CHD2: variants seen among roughly 807,000 people sequenced by gnomAD.
CHD2 encodes chromodomain helicase DNA binding protein 2.
A neutral mutation model predicts 243.9 loss-of-function variants in CHD2; 28 were observed. The observed-to-expected ratio is 0.11, with a 90% CI of 0.09 to 0.16. The LOEUF (loss-of-function observed/expected upper bound fraction) is 0.16, where lower values mean the gene tolerates loss of function less well. CHD2 is among the 10% of genes least tolerant of loss of function. CHD2 has a pLI of 1.00. For missense variants in CHD2, 1,386 were observed against 2,209.8 expected, an observed-to-expected ratio of 0.63 and a Z score of 7.47; for synonymous variants, 775 against 779.0, an observed-to-expected ratio of 0.99 and a Z score of 0.09.
At chr15:92,901,597 T>C in intron 2 of CHD2, 1 of 440,342 alleles carries the variant, frequency 2.3e-6, no homozygotes, top group Non-Finnish European at 4.0e-6. Flanking sequence ...TAAATTTCAG[T>C]TTTTAGGTTT....
At chr15:92,969,513 GCCT>G (rs2053812414) in intron 17 of CHD2, among the ~76,000 whole-genome samples, 2 of 152,198 alleles carry the variant, frequency 1.3e-5, no homozygotes, top group South Asian at 4.1e-4. Context: ...CAGAAGACTG[GCCT>G]CTTTCTGATG....
At chr15:92,925,854 C>G (rs900329274) in intron 3 of CHD2, among the ~76,000 whole-genome samples, 1 of 152,144 alleles carries the variant, frequency 6.6e-6, no homozygotes, top group African/African-American at 2.4e-5. Flanking sequence ...AATGCCTATT[C>G]TGGGCCATCT....
At position 92,997,191 on chromosome 15, in the gene CHD2, C is replaced by G; in HGVS notation, c.3735-62C>G. Reference sequence around the variant, plus strand: ...TAGTTCCATAGTATTTTTACTGTCTCTTCTTTAACATACCAAAAAGGCCCC... The same window carrying G: ...TAGTTCCATAGTATTTTTACTGTCTGTTCTTTAACATACCAAAAAGGCCCC... On this transcript the variant is annotated intron_variant, in intron 29 of 38. Transcript: ENST00000394196. The surrounding 1 kb of genome is among the most constrained non-coding windows in gnomAD (Gnocchi z 4.1). 6.2e-7 allele frequency: 1 copy of G among 1,609,184 alleles called. No homozygotes were observed. Among genetic ancestry groups the G allele is most frequent in the East Asian group, 2.2e-5 (1 of 44,830 alleles).
intron 26 of CHD2, among the ~76,000 whole-genome samples, chr15:92,987,195 T>G: frequency 6.6e-6 from 1 of 152,244 alleles, no homozygotes; most frequent in East Asian, 1.9e-4. Flanking sequence ...GGCCTTTTTA[T>G]TGTAACATGT....
In CHD2 at chr15:92,900,693, C is replaced by G. The variant is rs1296967429; in HGVS notation, c.-203C>G. ...TTGCTTTATTTTTTTGACCAGTTAA[C>G]ATATTTGAGGGTTATTTTATTTATT... On this transcript the variant is annotated 5_prime_UTR_variant, in exon 1 of 39. Transcript: ENST00000394196. 16 of 396,520 alleles carry G rather than the reference C, an allele frequency of 4.0e-5. No individual in the cohort carries two copies. The highest frequency in any genetic ancestry group is 7.1e-5 in the Non-Finnish European group (16 of 225,124). The allele number at this position is 396,520 out of a possible 1,614,324, so 24.6% of individuals were successfully genotyped here.
chr15:93,002,472 C>T (rs761832244), intron 33 of CHD2, among the ~76,000 whole-genome samples, 155 bp downstream of exon 33: 1 of 152,138 alleles, frequency 6.6e-6, no homozygotes, highest in Non-Finnish European at 1.5e-5. Flanking sequence ...GATACCTGCA[C>T]CTGTCCTTGC....
At position 93,020,009 on chromosome 15, in the gene CHD2, C is replaced by A; in HGVS notation, c.4907-3C>A. 1 of 1,605,742 alleles carries A rather than the reference C, an allele frequency of 6.2e-7. No individual in the cohort carries two copies. The highest frequency in any genetic ancestry group is 8.5e-7 in the Non-Finnish European group (1 of 1,173,768). ...CATCAGATCATTCTTTCTTTTCCTG[C>A]AGATCGAGGAGACTGGCAGAGGGAA... On this transcript the variant is annotated splice_polypyrimidine_tract_variant and splice_region_variant and intron_variant, in intron 37 of 38. Coordinates refer to ENST00000394196, the MANE Select transcript of CHD2 (RefSeq NM_001271.4).
In CHD2 at chr15:92,997,233, T is replaced by G. The variant is rs2054200118; in HGVS notation, c.3735-20T>G. ...AAAGGCCCCTCTTCTAATGTCTTCC[T>G]GTTTTTAAACTTTCTTTAGATACTG... On this transcript the variant is annotated intron_variant, in intron 29 of 38. Coordinates refer to ENST00000394196, the MANE Select transcript of CHD2 (RefSeq NM_001271.4). The surrounding 1 kb of genome is among the most constrained non-coding windows in gnomAD (Gnocchi z 4.1). The G allele has an allele frequency of 3.7e-6, 6 of 1,613,874 alleles. No homozygotes were observed. Among genetic ancestry groups the G allele is most frequent in the Non-Finnish European group, 5.1e-6 (6 of 1,179,978 alleles).
chr15:93,025,995 A>T lies in CHD2; in HGVS notation c.*1290A>T, dbSNP rs149385393. The T allele has an allele frequency of 3.8e-4, 58 of 152,812 alleles. No homozygotes were observed. Among genetic ancestry groups the T allele is most frequent in the African/African-American group, 1.3e-3 (55 of 41,592 alleles). 9.5% of individuals were successfully genotyped at this position (152,812 alleles called of 1,614,324 possible). On this transcript the variant is annotated 3_prime_UTR_variant, in exon 39 of 39. Coordinates refer to ENST00000394196, the MANE Select transcript of CHD2 (RefSeq NM_001271.4). ...TTAAACTTTTTCCCAAACAAGGAGC[A>T]TCCAAAGACACAGTGACTTGAGCTA...
At position 92,981,475 on chromosome 15, in the gene CHD2, GGA is replaced by G; in HGVS notation, c.3066+24_3066+25del. ...AGTTTAAGGTATGAAGATCTTTGTGGGAGAGAGTTCTCAGCATTGATTCATTA... is the reference window on the plus strand; with the variant it reads ...AGTTTAAGGTATGAAGATCTTTGTGGGAGAGTTCTCAGCATTGATTCATTA... On this transcript the variant is annotated intron_variant, in intron 24 of 38. Transcript: ENST00000394196. 6.3e-7 allele frequency: 1 copy of G among 1,580,106 alleles called. No individual in the cohort carries two copies. Among genetic ancestry groups the G allele is most frequent in the Non-Finnish European group, 8.7e-7 (1 of 1,150,298 alleles).
Position 93,025,109 on chromosome 15 carries a change from A to G in CHD2, c.*404A>G, listed in dbSNP as rs574368949. ...GCATGGTCGGGGCAGGAACTGGTGC[A>G]TGGAGGCTGCTGGGACCTGGTGAAC... is the stretch of plus-strand genomic sequence containing the variant. On this transcript the variant is annotated 3_prime_UTR_variant, in exon 39 of 39. Transcript: ENST00000394196. 1.1e-4 allele frequency: 20 copies of G among 183,978 alleles called. No homozygotes were observed. In the South Asian group the frequency reaches 2.5e-3, roughly 23 times the overall value. The allele number at this position is 183,978 out of a possible 1,614,324, so 11.4% of individuals were successfully genotyped here.
At chr15:92,989,027 T>TCATAC (rs2054082107) in intron 26 of CHD2, among the ~76,000 whole-genome samples, 1 of 17,406 alleles carries the variant, frequency 5.7e-5, no homozygotes, top group Non-Finnish European at 1.8e-4. Context: ...ACTTCATACT[T>TCATAC]TTTTTTTTTT....
chr15:92,910,473 A>G (rs534348612), intron 2 of CHD2, among the ~76,000 whole-genome samples: 1 of 151,860 alleles, frequency 6.6e-6, no homozygotes, highest in South Asian at 2.1e-4. Context: ...GCTCATTGCA[A>G]CCTCCGCCTC....
intron 26 of CHD2, among the ~76,000 whole-genome samples, chr15:92,989,276 C>T (rs1420530482): frequency 6.6e-6 from 1 of 152,102 alleles, no homozygotes; most frequent in African/African-American, 2.4e-5. Flanking sequence ...AGGTGATCCA[C>T]CCGCCTCGGC....
intron 28 of CHD2, among the ~76,000 whole-genome samples, chr15:92,995,189 C>T (rs996782169): frequency 6.6e-6 from 1 of 152,120 alleles, no homozygotes; most frequent in Non-Finnish European, 1.5e-5. Context: ...TTAAATTATT[C>T]AAAGTTATTC....
intron 20 of CHD2, among the ~76,000 whole-genome samples, 200 bp downstream of exon 20, chr15:92,975,150 C>T (rs2053890767): frequency 6.6e-6 from 1 of 152,092 alleles, no homozygotes; most frequent in Non-Finnish European, 1.5e-5. Flanking sequence ...ATTTATCTCC[C>T]CTGTTCTGGG....
At chr15:92,990,470 G>T (rs1304921944) in intron 26 of CHD2, among the ~76,000 whole-genome samples, 1 of 152,140 alleles carries the variant, frequency 6.6e-6, no homozygotes, top group Non-Finnish European at 1.5e-5. Context: ...TTTTATGGGG[G>T]AGCAGATTTT....
chr15:93,006,045 T>G (rs1182428869), intron 34 of CHD2, among the ~76,000 whole-genome samples: 1 of 152,130 alleles, frequency 6.6e-6, no homozygotes, highest in East Asian at 1.9e-4. Flanking sequence ...AAATCTGAAT[T>G]TTTTTAAGAC....
intron 35 of CHD2, among the ~76,000 whole-genome samples, chr15:93,011,716 C>T (rs1279934058): frequency 7.2e-5 from 11 of 152,168 alleles, no homozygotes; most frequent in Admixed American, 7.2e-4. Context: ...TATCATTCCC[C>T]TGTTGCGCAG....
Sources: allele counts gnomAD v4.1 joint callset (sites outside exome capture counted in the v4.1 genomes callset), GRCh38; gene constraint gnomAD v4.1.1; non-coding constraint Gnocchi (gnomAD v3.1); transcripts MANE v1.5; gene names NCBI Gene and HGNC (gene_info 2026-07-23, HGNC 2026-07-21).